ATF6: variants seen among roughly 807,000 people sequenced by gnomAD.
ATF6 encodes cyclic AMP-dependent transcription factor ATF-6 alpha.
In ATF6, 53 loss-of-function variants were observed where a neutral mutation model predicts 83.6. The ratio of observed to expected loss-of-function variants is 0.63; its 90% CI spans 0.51 to 0.80. ATF6 has a LOEUF of 0.80. ATF6 is among the 30% of genes least tolerant of loss of function. The probability of loss-of-function intolerance (pLI) is 0.00; values close to 1 mark genes in which losing one functional copy is unlikely to be tolerated. For missense variants in ATF6, 744 were observed against 797.9 expected (o/e 0.93, Z 0.81); for synonymous variants, 288 against 285.8 (o/e 1.01, Z -0.08).
intron 9 of ATF6, among the ~76,000 whole-genome samples, chr1:161,827,097 A>C (rs1685922680): frequency 6.6e-6 from 1 of 151,882 alleles, no homozygotes; most frequent in South Asian, 2.1e-4. Flanking sequence ...ATGCCCAGCT[A>C]ATTTTTTGTA....
chr1:161,783,011 C>T (rs1325144164), intron 3 of ATF6, among the ~76,000 whole-genome samples: 2 of 152,138 alleles, frequency 1.3e-5, no homozygotes, highest in Non-Finnish European at 2.9e-5. Flanking sequence ...GAGGTTTCTT[C>T]ACTCATATGT....
rs545317652 is a variant in ATF6, at chr1:161,945,763, C to T, written c.1805-12683C>T. ...TTTTACCTACCAACTTGATTGTAAA[C>T]TGCTTAAAGATAGAAGCTATGTTAT... On this transcript the variant is annotated intron_variant, in intron 15 of 15. Coordinates refer to ENST00000367942, the MANE Select transcript of ATF6 (RefSeq NM_007348.4). Among the ~76,000 whole-genome samples, 134 of 152,284 alleles carry T rather than the reference C, an allele frequency of 8.8e-4. 1 individual carries two copies. Among genetic ancestry groups the T allele is most frequent in the African/African-American group, 3.1e-3 (129 of 41,556 alleles).
intron 7 of ATF6, among the ~76,000 whole-genome samples, chr1:161,816,230 G>A (rs1685608050): frequency 6.6e-6 from 1 of 152,224 alleles, no homozygotes; most frequent in Non-Finnish European, 1.5e-5. Context: ...ATGATCAGAA[G>A]CAGGACCTGG....
At chr1:161,830,213 A>G (rs1686018297) in intron 9 of ATF6, among the ~76,000 whole-genome samples, 1 of 152,252 alleles carries the variant, frequency 6.6e-6, no homozygotes, top group South Asian at 2.1e-4. Flanking sequence ...TTCAAAGAGA[A>G]TAAAATACTT....
rs777579680 is a variant in ATF6, at chr1:161,791,531, A to G, written c.478A>G (p.Lys160Glu). 1 of 1,608,026 alleles carries G rather than the reference A, an allele frequency of 6.2e-7. No individual in the cohort carries two copies. The highest frequency in any genetic ancestry group is 8.5e-7 in the Non-Finnish European group (1 of 1,178,890). The change falls in exon 5 of 16, where the codon AAG (lysine) becomes GAG (glutamate). Residue 160 changes from lysine (K) to glutamate (E), a missense_variant. Physicochemically the swap from Lys to Glu is moderately conservative, Grantham distance 56. Transcript: ENST00000367942. Reference sequence around the variant, plus strand: ...TAAGCCTGTCACTGGTCCTAGGAACAAGACTGGTATTACTCTATCTCCTAA... The same window carrying G: ...TAAGCCTGTCACTGGTCCTAGGAACGAGACTGGTATTACTCTATCTCCTAA... ...EDKPVTGPRN[K>E]TENGLTPKKK...
intron 7 of ATF6, among the ~76,000 whole-genome samples, chr1:161,807,169 C>G (rs1230851989): frequency 2.6e-5 from 4 of 152,032 alleles, no homozygotes; most frequent in African/African-American, 9.7e-5. Context: ...CGTGTAGGAG[C>G]AAAACTCATA....
At chr1:161,821,781 T>C (rs1162824880) in intron 9 of ATF6, among the ~76,000 whole-genome samples, 1 of 152,152 alleles carries the variant, frequency 6.6e-6, no homozygotes, top group African/African-American at 2.4e-5. Flanking sequence ...AAGAGGACTT[T>C]GTGTGTTGTA....
intron 9 of ATF6, among the ~76,000 whole-genome samples, chr1:161,843,463 C>G (rs1012229742): frequency 6.6e-6 from 1 of 152,118 alleles, no homozygotes; most frequent in Non-Finnish European, 1.5e-5. Flanking sequence ...ATGAATCATT[C>G]ATTCTGGGAA....
intron 12 of ATF6, among the ~76,000 whole-genome samples, chr1:161,855,604 T>C (rs1557997656): frequency 6.6e-6 from 1 of 151,978 alleles, no homozygotes; most frequent in African/African-American, 2.4e-5. Context: ...CAGAGTGAGG[T>C]ACCAAGTTCT....
intron 15 of ATF6, 101 bp from the exon 16 acceptor site, chr1:161,958,345 C>G (rs1689009541): frequency 1.6e-6 from 2 of 1,214,312 alleles, no homozygotes; most frequent in South Asian, 1.5e-5. Context: ...ACTGACAGTT[C>G]ACACCCTTAA....
intron 4 of ATF6, among the ~76,000 whole-genome samples, chr1:161,785,515 A>G (rs970310543): frequency 6.6e-6 from 1 of 152,156 alleles, no homozygotes; most frequent in Middle Eastern, 3.2e-3. Flanking sequence ...ATGCTACATA[A>G]TGTTTCATTG....
intron 14 of ATF6, among the ~76,000 whole-genome samples, chr1:161,868,154 C>T (rs757145339): frequency 6.6e-6 from 1 of 152,136 alleles, no homozygotes; most frequent in African/African-American, 2.4e-5. Context: ...CCAGTGATTC[C>T]ACTTTAGTCT....
intron 7 of ATF6, among the ~76,000 whole-genome samples, chr1:161,805,191 G>C (rs1354323032): frequency 6.6e-6 from 1 of 151,572 alleles, no homozygotes; most frequent in African/African-American, 2.4e-5. Flanking sequence ...ATATACCGTT[G>C]ACCTACATAT....
chr1:161,844,145 G>A (rs1183510016), intron 9 of ATF6, among the ~76,000 whole-genome samples: 1 of 152,154 alleles, frequency 6.6e-6, no homozygotes. Context: ...ACAAATGGAG[G>A]AATTATCCTT....
At chr1:161,891,150 A>G (rs12032568) in intron 14 of ATF6, 21,724 of 152,650 alleles carry the variant, frequency 0.14, 2,117 homozygotes, top group East Asian at 0.32. Context: ...CCCAGGCAAC[A>G]AGGGAGATGG....
At chr1:161,879,090 A>T (rs1320800133) in intron 14 of ATF6, among the ~76,000 whole-genome samples, 1 of 152,138 alleles carries the variant, frequency 6.6e-6, no homozygotes, top group Non-Finnish European at 1.5e-5. Context: ...GCCCTTTGCT[A>T]GTAAGGCAGG....
chr1:161,868,239 C>G (rs758321579), intron 14 of ATF6, among the ~76,000 whole-genome samples: 1 of 152,130 alleles, frequency 6.6e-6, no homozygotes, highest in African/African-American at 2.4e-5. Context: ...CCATCTCTTA[C>G]GCAGAGAATT....
chr1:161,846,000 G>A (rs1686477844), intron 9 of ATF6, among the ~76,000 whole-genome samples: 1 of 151,996 alleles, frequency 6.6e-6, no homozygotes, highest in Admixed American at 6.6e-5. Context: ...TTCTGGAATT[G>A]TGAAAGGCTA....
intron 7 of ATF6, among the ~76,000 whole-genome samples, chr1:161,806,707 A>C (rs1193773638): frequency 6.6e-6 from 1 of 152,146 alleles, no homozygotes; most frequent in Non-Finnish European, 1.5e-5. Context: ...CTTCCATCCC[A>C]AAATGACTTC....
Sources: allele counts gnomAD v4.1 joint callset (sites outside exome capture counted in the v4.1 genomes callset), GRCh38; gene constraint gnomAD v4.1.1; transcripts MANE v1.5; gene names NCBI Gene and HGNC (gene_info 2026-07-23, HGNC 2026-07-21).